MORC3: variants seen among roughly 807,000 people sequenced by gnomAD.
The protein encoded by MORC3 is MORC family CW-type zinc finger protein 3.
A neutral mutation model predicts 109.1 loss-of-function variants in MORC3; 31 were observed. The ratio of observed to expected loss-of-function variants is 0.28; its 90% CI spans 0.21 to 0.38. The LOEUF (loss-of-function observed/expected upper bound fraction) is 0.38, where lower values mean the gene tolerates loss of function less well. Among genes scored for constraint, MORC3 ranks in the 10% least tolerant of loss-of-function variants. The pLI is 1.00. For synonymous variants in MORC3, 395 were observed against 380.7 expected, an observed-to-expected ratio of 1.04 and a Z score of -0.44; for missense variants, 867 against 1,135.8, an observed-to-expected ratio of 0.76 and a Z score of 3.40.
chr21:36,373,846 A>G (rs1425929203), intron 16 of MORC3, among the ~76,000 whole-genome samples: 2 of 152,172 alleles, frequency 1.3e-5, no homozygotes, highest in African/African-American at 4.8e-5. Context: ...AACAAGAACA[A>G]CTGTAACACT....
chr21:36,328,136 C>G (rs535990987), intron 1 of MORC3, among the ~76,000 whole-genome samples: 1 of 152,018 alleles, frequency 6.6e-6, no homozygotes, highest in Non-Finnish European at 1.5e-5. Context: ...CGCGGCCTCC[C>G]AAAGTCCTGG....
In MORC3 at chr21:36,345,849, G is replaced by A. The variant is rs558784372; in HGVS notation, c.1005+818G>A. 5.3e-5 allele frequency among the ~76,000 whole-genome samples: 8 copies of A among 151,730 alleles called. No individual in the cohort carries two copies. The South Asian group carries it at 1.2e-3, about 24-fold the overall frequency. ...TGGGATTACAGGTGTGAGCCACCGC[G>A]CCCGGCTTTATTTTTATTTTTTGAG... is the stretch of plus-strand genomic sequence containing the variant. On this transcript the variant is annotated intron_variant, in intron 8 of 16. Coordinates refer to ENST00000400485, the MANE Select transcript of MORC3 (RefSeq NM_015358.3).
intron 1 of MORC3, among the ~76,000 whole-genome samples, chr21:36,331,339 C>T (rs1274584309): frequency 6.6e-6 from 1 of 152,136 alleles, no homozygotes; most frequent in East Asian, 1.9e-4. Context: ...TGGCTCATGC[C>T]TGTAATCCCA....
At chr21:36,324,341 G>C (rs1050486481) in intron 1 of MORC3, among the ~76,000 whole-genome samples, 3 of 150,804 alleles carry the variant, frequency 2.0e-5, no homozygotes, top group Non-Finnish European at 4.4e-5. Context: ...GCAGTGGCGC[G>C]ATCTCGGCTC....
chr21:36,332,970 A>G (rs1482108655), intron 1 of MORC3, among the ~76,000 whole-genome samples: 2 of 151,786 alleles, frequency 1.3e-5, no homozygotes, highest in Non-Finnish European at 2.9e-5. Context: ...TTGTATTTTT[A>G]GTAGAGACGG....
At chr21:36,322,857 C>G (rs1319154573) in intron 1 of MORC3, among the ~76,000 whole-genome samples, 1 of 151,820 alleles carries the variant, frequency 6.6e-6, no homozygotes, top group African/African-American at 2.4e-5. Context: ...TTAGCTGATG[C>G]ACACTCTTCA....
chr21:36,370,635 ATATATTTTTTTTTTTTTT>A (rs1266792498), intron 15 of MORC3, among the ~76,000 whole-genome samples: 18 of 41,996 alleles, frequency 4.3e-4, no homozygotes, highest in Non-Finnish European at 4.9e-4. Context: ...ATATATATAT[ATATATTTTTTTTTTTTTT>A]TTTTTTTTTT....
chr21:36,353,355 CAAAA>C (rs35837458), intron 9 of MORC3, among the ~76,000 whole-genome samples: 7 of 55,658 alleles, frequency 1.3e-4, no homozygotes, highest in African/African-American at 2.3e-4. Context: ...GACTCTGTCT[CAAAA>C]AAAAAAAAAA....
chr21:36,354,151 A>T (rs2085613955), intron 9 of MORC3, among the ~76,000 whole-genome samples: 1 of 151,980 alleles, frequency 6.6e-6, no homozygotes, highest in Admixed American at 6.6e-5. Flanking sequence ...AGTGGTTCAT[A>T]TGTCTTCATC....
intron 9 of MORC3, among the ~76,000 whole-genome samples, chr21:36,353,927 C>T (rs976253395): frequency 4.6e-5 from 7 of 151,004 alleles, no homozygotes; most frequent in South Asian, 4.2e-4. Context: ...AAAAATTAGC[C>T]GGGCATGGTG....
At chr21:36,342,266 A>G (rs916651728) in intron 6 of MORC3, among the ~76,000 whole-genome samples, 1 of 152,170 alleles carries the variant, frequency 6.6e-6, no homozygotes, top group Admixed American at 6.5e-5. Context: ...AATTTAACGT[A>G]TTCTAGAATA....
intron 9 of MORC3, among the ~76,000 whole-genome samples, chr21:36,355,146 T>G (rs1490667021): frequency 3.3e-5 from 5 of 152,208 alleles, no homozygotes; most frequent in Non-Finnish European, 7.3e-5. Flanking sequence ...TTAACAATCT[T>G]TTCCGTAGAT....
Position 36,369,311 on chromosome 21 carries a change from T to C in MORC3, c.1943T>C (p.Val648Ala). ...AATQTEVPSL[V>A]VKKEETVEDE... ...ACCCAGACTGAAGTACCAAGTTTAG[T>C]TGTTAAAAAAGAAGAAACTGTTGAA... The change falls in exon 15 of 17, where the codon GTT becomes GCT. Residue 648 changes from valine to alanine, a missense_variant. By Grantham distance (64) the Val-to-Ala change is moderately conservative. Around this residue, in one of 7 missense-constraint regions of MORC3, gnomAD observed 486 missense variants for 502.1 expected, o/e 0.97. Transcript: ENST00000400485. 1 of 1,614,092 alleles carries C rather than the reference T, an allele frequency of 6.2e-7. No individual in the cohort carries two copies. The highest frequency in any genetic ancestry group is 1.6e-4 in the Middle Eastern group (1 of 6,062).
chr21:36,347,502 T>C (rs181641889), intron 8 of MORC3, among the ~76,000 whole-genome samples: 3 of 152,354 alleles, frequency 2.0e-5, no homozygotes, highest in Non-Finnish European at 4.4e-5. Context: ...ATGTTTATCT[T>C]TACCAGATGA....
rs139675320 is a variant in MORC3 at position 36,333,456 on chromosome 21, T to A, written c.40-190T>A. ...ACCAAGTCTTGGTGAGTAAGCTGTT[T>A]AGTTGGTTCCCAGTGTTATCTTCCA... On this transcript the variant is annotated intron_variant, in intron 1 of 16. Coordinates refer to ENST00000400485, the MANE Select transcript of MORC3 (RefSeq NM_015358.3). The A allele has an allele frequency of 7.7e-4, 454 of 588,520 alleles. 1 individual carries two copies. Among genetic ancestry groups the A allele is most frequent in the African/African-American group, 6.9e-3 (370 of 53,446 alleles). 36.5% of individuals were successfully genotyped at this position (588,520 alleles called of 1,614,324 possible).
chr21:36,346,880 C>T (rs1019188578), intron 8 of MORC3, among the ~76,000 whole-genome samples: 2 of 151,082 alleles, frequency 1.3e-5, no homozygotes, highest in African/African-American at 4.9e-5. Context: ...GTTGTACGTC[C>T]TTGTAGTCTT....
intron 15 of MORC3, 89 bp from the exon 16 acceptor site, chr21:36,372,285 A>T: frequency 8.6e-7 from 1 of 1,162,542 alleles, no homozygotes; most frequent in East Asian, 2.6e-5. Flanking sequence ...AATGTTATCA[A>T]GCAGGTTCTC....
chr21:36,334,932 C>T (rs549604752), intron 2 of MORC3, among the ~76,000 whole-genome samples: 1 of 151,904 alleles, frequency 6.6e-6, no homozygotes, highest in East Asian at 1.9e-4. Flanking sequence ...GGAGTTGGGG[C>T]CCACCCTGAG....
intron 2 of MORC3, among the ~76,000 whole-genome samples, chr21:36,334,644 A>G (rs938296292): frequency 6.6e-6 from 1 of 152,158 alleles, no homozygotes; most frequent in Non-Finnish European, 1.5e-5. Context: ...AACATACAGC[A>G]TGGATTCATT....
Sources: gnomAD v4.1 joint callset for allele counts (sites outside exome capture counted in the v4.1 genomes callset) on GRCh38, gnomAD v4.1.1 for gene constraint, gnomAD v4.1.1 regional missense constraint, MANE v1.5 for transcripts, NCBI Gene and HGNC (gene_info 2026-07-23, HGNC 2026-07-21) for gene names.